The following MROH1 variants were observed in gnomAD, a reference collection of about 807,000 sequenced individuals.
The protein encoded by MROH1 is maestro heat like repeat family member 1.
Under a neutral mutation model 116.5 loss-of-function variants are expected in MROH1, and 117 were observed. That is an observed-to-expected ratio of 1.00 (90% CI 0.86 to 1.17). The LOEUF is 1.17. MROH1 is among the 50% of genes most tolerant of loss of function. MROH1 has a pLI of 0.00. For missense variants in MROH1, 1,873 were observed against 1,338.5 expected, an observed-to-expected ratio of 1.40 and a Z score of -6.23; for synonymous variants, 921 against 583.9, an observed-to-expected ratio of 1.58 and a Z score of -8.32.
chr8:144,170,144 T>C (rs1822075187), intron 4 of MROH1, among the ~76,000 whole-genome samples: 1 of 152,160 alleles, frequency 6.6e-6, no homozygotes, highest in Admixed American at 6.5e-5. Context: ...ATTTACAGGT[T>C]TTATGGCTGC....
chr8:144,198,934 A>G (rs1030404921), intron 10 of MROH1, among the ~76,000 whole-genome samples, 188 bp from the exon 11 acceptor site: 2 of 152,130 alleles, frequency 1.3e-5, no homozygotes, highest in Non-Finnish European at 2.9e-5. Flanking sequence ...CTCTGATTAC[A>G]GGGGATGAGA....
chr8:144,202,084 C>T (rs1365304944), intron 12 of MROH1, among the ~76,000 whole-genome samples: 1 of 151,704 alleles, frequency 6.6e-6, no homozygotes, highest in Non-Finnish European at 1.5e-5. Flanking sequence ...GGCCACAGTG[C>T]GAAAGTCACC....
At chr8:144,185,218 CTG>C (rs1290889557) in intron 7 of MROH1, among the ~76,000 whole-genome samples, 2 of 152,190 alleles carry the variant, frequency 1.3e-5, no homozygotes, top group African/African-American at 2.4e-5. Context: ...TCCCTGGCCT[CTG>C]TGGTTTCTGC....
rs1277511021 is a variant in MROH1 at position 144,244,282 on chromosome 8, C to T, written c.2616C>T (p.His872=). ...CGGATGTGATCCATGGCTGCCTGCA[C>T]AGCATCATGGCCCTGCTGCCTGAGC... ...ARADVIHGCL[H]SIMALLPEPK... Residue 872 remains histidine, a synonymous_variant, in exon 27 of 44, where the codon CAC becomes CAT. Coordinates refer to ENST00000326134, the MANE Select transcript of MROH1 (RefSeq NM_032450.3). 4 of 719,138 alleles carry T rather than the reference C, an allele frequency of 5.6e-6. No individual in the cohort carries two copies. Among genetic ancestry groups the T allele is most frequent in the Non-Finnish European group, 7.8e-6 (3 of 385,424 alleles). The allele number at this position is 719,138 out of a possible 1,614,324, so 44.5% of individuals were successfully genotyped here.
intron 12 of MROH1, among the ~76,000 whole-genome samples, chr8:144,201,915 G>A (rs1218687801): frequency 6.6e-6 from 1 of 152,042 alleles, no homozygotes; most frequent in Non-Finnish European, 1.5e-5. Context: ...AAGCTACTTG[G>A]GAGGCTGAGG....
chr8:144,229,263 A>G (rs866470068), intron 14 of MROH1, among the ~76,000 whole-genome samples: 1 of 152,192 alleles, frequency 6.6e-6, no homozygotes, highest in Non-Finnish European at 1.5e-5. Flanking sequence ...ATGAATCACA[A>G]ATGCTCTTCA....
Position 144,202,149 on chromosome 8 carries a change from G to C in MROH1, c.1141+1608G>C, listed in dbSNP as rs575791216. Among the ~76,000 whole-genome samples the C allele has an allele frequency of 1.2e-3, 184 of 152,298 alleles. 2 individuals are homozygous for C. Among genetic ancestry groups the C allele is most frequent in the Non-Finnish European group, 2.3e-3 (157 of 68,034 alleles). ...GACACCTTCAGCGGCCCTTGCCCCA[G>C]CAGAAGCAGCCTGAAGTCCTGCTGC... On this transcript the variant is annotated intron_variant, in intron 12 of 43. Coordinates refer to ENST00000326134, the MANE Select transcript of MROH1 (RefSeq NM_032450.3).
chr8:144,236,394 GT>G (rs1200439412), intron 14 of MROH1, among the ~76,000 whole-genome samples: 9,192 of 152,194 alleles, frequency 0.06, 959 homozygotes, highest in African/African-American at 0.21. Flanking sequence ...TAAATAAGTA[GT>G]TTGTAGGGAG....
At chr8:144,156,247 A>G (rs1465339382) in intron 1 of MROH1, among the ~76,000 whole-genome samples, 3 of 150,724 alleles carry the variant, frequency 2.0e-5, no homozygotes, top group Non-Finnish European at 4.4e-5. Context: ...CAAAGAAAAA[A>G]AAAAAAAAAA....
chr8:144,225,913 T>TG (rs1157196015), intron 14 of MROH1, among the ~76,000 whole-genome samples: 26 of 126,520 alleles, frequency 2.1e-4, no homozygotes, highest in African/African-American at 1.1e-3. Flanking sequence ...ATTTTTAGTT[T>TG]TTTTTTTTTT....
At chr8:144,253,886 T>G (rs1843245535) in intron 33 of MROH1, among the ~76,000 whole-genome samples, 1 of 151,932 alleles carries the variant, frequency 6.6e-6, no homozygotes, top group South Asian at 2.1e-4. Flanking sequence ...TAGCACCGCA[T>G]CTGTCCAGGA....
chr8:144,174,740 C>T, intron 4 of MROH1: 2 of 733,562 alleles, frequency 2.7e-6, no homozygotes, highest in Non-Finnish European at 3.3e-6. Context: ...ACCTTGGCCT[C>T]CCAAAGTGCT....
In MROH1 at chr8:144,176,805, C is replaced by T. The variant is rs151309393; in HGVS notation, c.169-2650C>T. On this transcript the variant is annotated intron_variant, in intron 4 of 43. Coordinates refer to ENST00000326134, the MANE Select transcript of MROH1 (RefSeq NM_032450.3). ...GATTGTGCCACTGCACTCCAGCCTG[C>T]GCGACGAGTGAGACTCTGTCTCAAA... 7.4e-3 allele frequency among the ~76,000 whole-genome samples: 1,082 copies of T among 146,000 alleles called. 5 individuals are homozygous for T. Among genetic ancestry groups the T allele is most frequent in the Non-Finnish European group, 0.01 (681 of 67,052 alleles).
chr8:144,177,069 G>A (rs1195051483), intron 4 of MROH1, among the ~76,000 whole-genome samples: 1 of 152,160 alleles, frequency 6.6e-6, no homozygotes, highest in Non-Finnish European at 1.5e-5. Flanking sequence ...CAGGTTCCAC[G>A]TGAACTTAGT....
intron 35 of MROH1, among the ~76,000 whole-genome samples, chr8:144,256,935 G>C (rs1043144902): frequency 7.2e-5 from 11 of 152,374 alleles, no homozygotes; most frequent in Non-Finnish European, 1.5e-4. Flanking sequence ...GGAGCAGGGT[G>C]TGGAGCTGGA....
chr8:144,173,809 C>A (rs1018381224), intron 4 of MROH1, among the ~76,000 whole-genome samples: 1 of 152,192 alleles, frequency 6.6e-6, no homozygotes, highest in African/African-American at 2.4e-5. Flanking sequence ...CCTCAACTTG[C>A]CTACATTATA....
chr8:144,173,408 A>AT (rs976990997), intron 4 of MROH1, among the ~76,000 whole-genome samples: 2 of 135,720 alleles, frequency 1.5e-5, no homozygotes, highest in African/African-American at 5.4e-5. Context: ...TTATTTATTT[A>AT]TTTATTTTAT....
chr8:144,260,764 G>C lies in MROH1; in HGVS notation c.4468G>C (p.Asp1490His). The change falls in exon 40 of 44, where the codon GAC (aspartate) becomes CAC (histidine). Residue 1490 changes from aspartate (D) to histidine (H), a missense_variant. Transcript: ENST00000326134. Reference sequence around the variant, plus strand: ...CGGAGACTGTGAGGACGTCTTCCTGGACCAGGTGGTGGGCGGGCTGGCGCC... The same window carrying C: ...CGGAGACTGTGAGGACGTCTTCCTGCACCAGGTGGTGGGCGGGCTGGCGCC... ...CHGDCEDVFL[D>H]QVVGGLAPLL... The C allele has an allele frequency of 2.6e-6, 2 of 779,104 alleles. No individual in the cohort carries two copies. Among genetic ancestry groups the C allele is most frequent in the South Asian group, 1.3e-5 (1 of 74,608 alleles). The allele number at this position is 779,104 out of a possible 1,614,324, so 48.3% of individuals were successfully genotyped here.
intron 35 of MROH1, among the ~76,000 whole-genome samples, chr8:144,258,086 G>A (rs1260709279): frequency 2.6e-5 from 4 of 152,190 alleles, no homozygotes; most frequent in African/African-American, 9.7e-5. Context: ...GTCGATGCCA[G>A]GCTCAAGCTG....
Sources: gnomAD v4.1 joint callset for allele counts (sites outside exome capture counted in the v4.1 genomes callset) on GRCh38, gnomAD v4.1.1 for gene constraint, MANE v1.5 for transcripts, NCBI Gene and HGNC (gene_info 2026-07-23, HGNC 2026-07-21) for gene names.